Variants in KAT2B observed in about 807,000 individuals in gnomAD.
The protein encoded by KAT2B is lysine acetyltransferase 2B, also known as histone acetyltransferase KAT2B.
KAT2B carries 36 observed loss-of-function variants against 105.9 expected under a neutral mutation model. The observed-to-expected ratio is 0.34, with a 90% CI of 0.26 to 0.45. The LOEUF is 0.45. Ranked by LOEUF, KAT2B falls within the 20% of genes least tolerant of loss-of-function variation. KAT2B has a pLI of 1.00. For missense variants in KAT2B, 820 were observed against 1,021.6 expected (o/e 0.80, Z 2.69); for synonymous variants, 397 against 377.9 (o/e 1.05, Z -0.59).
chr3:20,097,689 G>A (rs768678029), intron 3 of KAT2B, among the ~76,000 whole-genome samples: 3 of 151,776 alleles, frequency 2.0e-5, no homozygotes, highest in South Asian at 2.1e-4. Flanking sequence ...GGTGTGTGCC[G>A]CCATGCCCGG....
chr3:20,106,391 T>G (rs902061929), intron 5 of KAT2B, among the ~76,000 whole-genome samples: 1 of 152,194 alleles, frequency 6.6e-6, no homozygotes, highest in South Asian at 2.1e-4. Context: ...TCTGTCTCAC[T>G]GTGTGCAATA....
At chr3:20,141,994 G>A (rs905124622) in intron 13 of KAT2B, among the ~76,000 whole-genome samples, 2 of 152,030 alleles carry the variant, frequency 1.3e-5, no homozygotes, top group Non-Finnish European at 2.9e-5. Context: ...ACATCGTTCC[G>A]CATTAGAGGC....
At chr3:20,124,079 A>T (rs1174782054) in intron 9 of KAT2B, among the ~76,000 whole-genome samples, 1 of 152,172 alleles carries the variant, frequency 6.6e-6, no homozygotes, top group Non-Finnish European at 1.5e-5. Flanking sequence ...TGTAATAGAA[A>T]AATCTCTTCC....
intron 2 of KAT2B, 34 bp from the exon 3 acceptor site, chr3:20,095,229 G>C (rs764159478): frequency 1.3e-6 from 2 of 1,578,564 alleles, no homozygotes; most frequent in African/African-American, 2.7e-5. Context: ...TTCCAATTGA[G>C]GTCTTACATA....
chr3:20,152,585 T>G lies in KAT2B; in HGVS notation c.*60T>G. 1.5e-6 allele frequency: 2 copies of G among 1,367,370 alleles called. No homozygotes were observed. Among genetic ancestry groups the G allele is most frequent in the Non-Finnish European group, 1.0e-6 (1 of 979,996 alleles). The allele number at this position is 1,367,370 out of a possible 1,614,324, so 84.7% of individuals were successfully genotyped here. On this transcript the variant is annotated 3_prime_UTR_variant, in exon 18 of 18. Coordinates refer to ENST00000263754, the MANE Select transcript of KAT2B (RefSeq NM_003884.5). Reference sequence around the variant, plus strand: ...AGCAGTGTGCCTAAAGCAAGGTGGTTTAGTTTTTTACAAAGAATTGGACAT... The same window carrying G: ...AGCAGTGTGCCTAAAGCAAGGTGGTGTAGTTTTTTACAAAGAATTGGACAT...
intron 3 of KAT2B, among the ~76,000 whole-genome samples, chr3:20,095,963 G>A (rs948752441): frequency 1.3e-5 from 2 of 152,156 alleles, no homozygotes; most frequent in Non-Finnish European, 1.5e-5. Flanking sequence ...AAACCTGAGT[G>A]GGAGATAGGA....
chr3:20,062,255 A>AT (rs1351226117), intron 1 of KAT2B, among the ~76,000 whole-genome samples: 2 of 12,158 alleles, frequency 1.6e-4, no homozygotes, highest in Non-Finnish European at 2.8e-4. Context: ...AATATATAAA[A>AT]TATGATATAT....
intron 1 of KAT2B, among the ~76,000 whole-genome samples, chr3:20,047,824 C>T (rs889605175): frequency 6.6e-6 from 1 of 151,882 alleles, no homozygotes; most frequent in East Asian, 1.9e-4. Context: ...CCATGTTGGC[C>T]AGGCTGGTCT....
intron 11 of KAT2B, among the ~76,000 whole-genome samples, chr3:20,132,154 C>A (rs1699521761): frequency 6.6e-6 from 1 of 152,122 alleles, no homozygotes; most frequent in Non-Finnish European, 1.5e-5. Flanking sequence ...GCGGGCGGAT[C>A]ACCTGAGGTT....
chr3:20,118,065 C>T (rs1699235884), intron 7 of KAT2B, among the ~76,000 whole-genome samples: 1 of 150,632 alleles, frequency 6.6e-6, no homozygotes, highest in East Asian at 1.9e-4. Flanking sequence ...TATTATTACC[C>T]TTTCTCTATC....
chr3:20,100,588 G>C (rs1332202328), intron 4 of KAT2B, among the ~76,000 whole-genome samples: 2 of 152,112 alleles, frequency 1.3e-5, no homozygotes, highest in Non-Finnish European at 2.9e-5. Context: ...GACTACTGAA[G>C]TCATGATACC....
chr3:20,054,243 C>T (rs1697966945), intron 1 of KAT2B, among the ~76,000 whole-genome samples: 1 of 152,054 alleles, frequency 6.6e-6, no homozygotes, highest in Admixed American at 6.6e-5. Context: ...AATTCTCTGC[C>T]TCAGCCTCCT....
intron 1 of KAT2B, among the ~76,000 whole-genome samples, chr3:20,045,257 A>G (rs760442086): frequency 7.2e-5 from 11 of 152,066 alleles, no homozygotes; most frequent in Admixed American, 2.6e-4. Context: ...GGCTCAAGCA[A>G]TCTGCCTGCC....
At chr3:20,122,609 T>G in intron 8 of KAT2B, 59 bp from the exon 9 acceptor site, 2 of 1,341,484 alleles carry the variant, frequency 1.5e-6, no homozygotes, top group Non-Finnish European at 2.1e-6. Context: ...AGTTGGCGTG[T>G]ATTATTTGTT....
At chr3:20,151,097 G>C (rs570406228) in intron 17 of KAT2B, among the ~76,000 whole-genome samples, 2 of 152,272 alleles carry the variant, frequency 1.3e-5, no homozygotes, top group African/African-American at 4.8e-5. Context: ...GATTTGATGA[G>C]TCTTTGTGTT....
At chr3:20,070,322 T>TTTTTTC (rs10647897) in intron 1 of KAT2B, among the ~76,000 whole-genome samples, 2,962 of 145,250 alleles carry the variant, frequency 0.02, 75 homozygotes, top group Admixed American at 0.075. Flanking sequence ...TTTTTTTTTT[T>TTTTTTC]TGAGATGGAG....
At chr3:20,049,316 A>G (rs1427277905) in intron 1 of KAT2B, among the ~76,000 whole-genome samples, 4 of 152,216 alleles carry the variant, frequency 2.6e-5, no homozygotes, top group African/African-American at 4.8e-5. Flanking sequence ...TTTTATTTGT[A>G]AAAAACGTTC....
intron 2 of KAT2B, among the ~76,000 whole-genome samples, chr3:20,088,973 C>A (rs1054475528): frequency 6.6e-6 from 1 of 152,060 alleles, no homozygotes; most frequent in Non-Finnish European, 1.5e-5. Flanking sequence ...TCCGGTTGTC[C>A]CAACAGCATT....
At chr3:20,043,729 A>T (rs74327932) in intron 1 of KAT2B, among the ~76,000 whole-genome samples, 65 of 30,102 alleles carry the variant, frequency 2.2e-3, no homozygotes, top group South Asian at 9.1e-3. Flanking sequence ...TGCTTTTTTT[A>T]AAAAAAAAAA....
Sources: gnomAD v4.1 joint callset for allele counts (sites outside exome capture counted in the v4.1 genomes callset) on GRCh38, gnomAD v4.1.1 for gene constraint, MANE v1.5 for transcripts, NCBI Gene and HGNC (gene_info 2026-07-23, HGNC 2026-07-21) for gene names.